The following NIN variants were observed in gnomAD, a reference collection of about 807,000 sequenced individuals.
NIN encodes glycogen synthase kinase 3 beta-interacting protein.
NIN carries 137 observed loss-of-function variants against 257.6 expected under a neutral mutation model. That is an observed-to-expected ratio of 0.53 (90% confidence interval 0.46 to 0.61). NIN has a LOEUF of 0.61. Ranked by LOEUF, NIN falls within the 20% of genes least tolerant of loss-of-function variation. The pLI is 0.00. For missense variants in NIN, 2,439 were observed against 2,501.2 expected (o/e 0.98, Z 0.53); for synonymous variants, 918 against 919.8 (o/e 1.00, Z 0.04).
chr14:50,771,508 C>T lies in NIN; in HGVS notation c.982-40G>A, dbSNP rs747128821. The T allele has an allele frequency of 1.9e-6, 3 of 1,607,718 alleles. No homozygotes were observed. The South Asian group carries it at 3.3e-5, about 18-fold the overall frequency. Reference sequence around the variant, plus strand: ...AAGGCGTAAATTCAAAAACAAATCACTCATTCCATCCTCTGAAAGCAGAAA... The same window carrying T: ...AAGGCGTAAATTCAAAAACAAATCATTCATTCCATCCTCTGAAAGCAGAAA... On this transcript the variant is annotated intron_variant, in intron 9 of 30. Transcript: ENST00000530997.
chr14:50,811,544 CTTTTTTTTT>C lies in NIN; in HGVS notation c.184-4735_184-4727del, dbSNP rs55734117. On this transcript the variant is annotated intron_variant, in intron 3 of 30. Transcript: ENST00000530997. ...AAATTTTAAATCCCCAATGGTCAAG[CTTTTTTTTT>C]TTTTTTTTTTTTTTTTGGTCTACCA... Among the ~76,000 whole-genome samples the C allele has an allele frequency of 1.2e-3, 93 of 75,286 alleles. 2 individuals carry two copies. Among genetic ancestry groups the C allele is most frequent in the Admixed American group, 6.1e-3 (34 of 5,544 alleles). 49.4% of individuals were successfully genotyped at this position (75,286 alleles called of 152,430 possible).
chr14:50,780,585 T>C (rs2043096929), intron 5 of NIN, among the ~76,000 whole-genome samples: 1 of 152,180 alleles, frequency 6.6e-6, no homozygotes, highest in Non-Finnish European at 1.5e-5. Context: ...CTAGTGGTAG[T>C]TCTCACCTCT....
At chr14:50,770,681 T>C in intron 11 of NIN, 119 bp from the exon 12 acceptor site, 3 of 1,364,110 alleles carry the variant, frequency 2.2e-6, no homozygotes, top group Admixed American at 2.1e-5. Flanking sequence ...AAATATCTAG[T>C]GTACCCTGCT....
chr14:50,727,212 C>T (rs2040451640), intron 29 of NIN: 1 of 924,852 alleles, frequency 1.1e-6, no homozygotes, highest in Non-Finnish European at 1.3e-6. Context: ...AGTGGAAAAA[C>T]AGGAAAAACA....
chr14:50,778,114 A>G (rs988708412), intron 6 of NIN, among the ~76,000 whole-genome samples: 2 of 152,230 alleles, frequency 1.3e-5, no homozygotes, highest in African/African-American at 4.8e-5. Context: ...ACGTGTTCTG[A>G]TGCTTCTTAA....
chr14:50,727,798 A>C, intron 29 of NIN: 1 of 1,407,712 alleles, frequency 7.1e-7, no homozygotes, highest in Non-Finnish European at 9.6e-7. Context: ...TGTCAGGATG[A>C]GTTTTTAGGG....
At chr14:50,748,448 CA>C (rs1345035779) in intron 21 of NIN, among the ~76,000 whole-genome samples, 2 of 152,158 alleles carry the variant, frequency 1.3e-5, no homozygotes, top group Non-Finnish European at 1.5e-5. Flanking sequence ...TCCTATTCAA[CA>C]TAGTGTTGGA....
At position 50,743,687 on chromosome 14, in the gene NIN, G is replaced by A. The variant is rs3742327; in HGVS notation, c.5188-158C>T. Among the ~76,000 whole-genome samples, 119,121 of 152,178 alleles carry A rather than the reference G, an allele frequency of 0.78. 47,176 individuals carry two copies. Among genetic ancestry groups the A allele is most frequent in the African/African-American group, 0.89 (37,099 of 41,544 alleles). On this transcript the variant is annotated intron_variant, in intron 23 of 30. Transcript: ENST00000530997. The stretch of plus-strand genomic sequence containing the variant: ...GAAATGGTCTTCCTGGCTCCAAATC[G>A]AGACAAACCAAAGACTGTTTTACAC...
In NIN at chr14:50,720,814, G is replaced by C; in HGVS notation, c.*2649C>G. The C allele has an allele frequency of 9.9e-6, 2 of 201,200 alleles. No individual in the cohort carries two copies. The highest frequency in any genetic ancestry group is 2.0e-5 in the Non-Finnish European group (2 of 97,726). 12.5% of individuals were successfully genotyped at this position (201,200 alleles called of 1,614,324 possible). A position where few individuals can be genotyped will look rare whatever the true frequency, so the allele number is the denominator to read the frequency against. On this transcript the variant is annotated 3_prime_UTR_variant, in exon 31 of 31. Coordinates refer to ENST00000530997, the MANE Select transcript of NIN (RefSeq NM_020921.4). ...CACATTTTCCTTTTCTTAGTGTAAC[G>C]TATTATCTCAAAGGCAAACTTGATT...
At chr14:50,730,971 C>T (rs1232551711) in intron 28 of NIN, 1 of 1,345,432 alleles carries the variant, frequency 7.4e-7, no homozygotes, top group African/African-American at 1.5e-5. Flanking sequence ...CTGCTACTTC[C>T]AACCACTGAG....
Position 50,758,022 on chromosome 14 carries a change from C to T in NIN, c.3008G>A (p.Arg1003Gln), listed in dbSNP as rs146902294. 85 of 1,614,094 alleles carry T rather than the reference C, an allele frequency of 5.3e-5. No individual in the cohort carries two copies. The highest frequency in any genetic ancestry group is 1.5e-4 in the South Asian group (14 of 91,088). The stretch of plus-strand genomic sequence containing the variant: ...TTCTGTGCTCATCTCGGCTCTTTCT[C>T]GATCTGCTGTCTCACAGGTCGCTTT... ...IHKATCETAD[R>Q]ERAEMSTEIS... The change falls in exon 18 of 31, where the codon CGA becomes CAA. Residue 1003 changes from arginine to glutamine, a missense_variant. Arg to Gln is a conservative substitution (Grantham distance 43, BLOSUM62 1). This residue lies in a region of NIN where 2,043 missense variants were observed against 2,050.2 expected (regional missense o/e 1.00). Coordinates refer to ENST00000530997, the MANE Select transcript of NIN (RefSeq NM_020921.4).
At chr14:50,785,316 G>A (rs1290613287) in intron 5 of NIN, among the ~76,000 whole-genome samples, 1 of 152,176 alleles carries the variant, frequency 6.6e-6, no homozygotes, top group African/African-American at 2.4e-5. Flanking sequence ...TAGCCCAGCC[G>A]CCACCCCCAC....
At chr14:50,814,858 A>T (rs953765524) in intron 3 of NIN, among the ~76,000 whole-genome samples, 1 of 152,174 alleles carries the variant, frequency 6.6e-6, no homozygotes, top group Admixed American at 6.5e-5. Context: ...TTGGAACTGG[A>T]CCCCTTCCTT....
chr14:50,814,921 C>A (rs1159490116), intron 3 of NIN, among the ~76,000 whole-genome samples: 1 of 152,064 alleles, frequency 6.6e-6, no homozygotes, highest in Non-Finnish European at 1.5e-5. Context: ...AATGTAAAAC[C>A]CAAAACTATA....
At position 50,738,299 on chromosome 14, in the gene NIN, A is replaced by G. The variant is rs765118521; in HGVS notation, c.5629-13T>C. The G allele has an allele frequency of 1.2e-6, 2 of 1,607,888 alleles. No individual in the cohort carries two copies. The highest frequency in any genetic ancestry group is 2.2e-5 in the South Asian group (2 of 89,524). On this transcript the variant is annotated splice_polypyrimidine_tract_variant and intron_variant, in intron 26 of 30. Coordinates refer to ENST00000530997, the MANE Select transcript of NIN (RefSeq NM_020921.4). ...CCAACTGACGGACCTAACAGGAACA[A>G]ATGTAAGAGGAAAAAATGCTAATAC...
At position 50,771,405 on chromosome 14, in the gene NIN, C is replaced by T; in HGVS notation, c.1045G>A (p.Glu349Lys). The T allele has an allele frequency of 6.2e-7, 1 of 1,614,198 alleles. No homozygotes were observed. The highest frequency in any genetic ancestry group is 2.2e-5 in the East Asian group (1 of 44,884). ...LTELTLALEN[E>K]LLVTKNSIHQ... is the part of the protein sequence containing the mutation. The stretch of plus-strand genomic sequence containing the variant: ...ATGCTGTTCTTGGTAACCAAAAGTT[C>T]ATTTTCAAGGGCCAGTGTTAATTCT... The change falls in exon 10 of 31, where the codon GAA (glutamate) becomes AAA (lysine). Residue 349 changes from glutamate to lysine, a missense_variant. Physicochemically the swap from Glu to Lys is moderately conservative, Grantham distance 56. This residue lies in a region of NIN where 387 missense variants were observed against 427.3 expected (regional missense o/e 0.91). Coordinates refer to ENST00000530997, the MANE Select transcript of NIN (RefSeq NM_020921.4).
In NIN at chr14:50,758,361, A is replaced by G. The variant is rs2042129538; in HGVS notation, c.2669T>C (p.Leu890Pro). The G allele has an allele frequency of 6.2e-7, 1 of 1,614,138 alleles. No individual in the cohort carries two copies. The highest frequency in any genetic ancestry group is 1.7e-5 in the Admixed American group (1 of 60,016). ...CTCCAGCATCTCTCTCTCCTGGGTCAGGACCAGAGAAGTTGTTTTCTCTCT... is the reference window on the plus strand; with the variant it reads ...CTCCAGCATCTCTCTCTCCTGGGTCGGGACCAGAGAAGTTGTTTTCTCTCT... ...LKREKTTSLV[L>P]TQEREMLEKT... The change falls in exon 18 of 31, where the codon CTG becomes CCG. Residue 890 changes from leucine to proline, a missense_variant. Transcript: ENST00000530997.
intron 12 of NIN, among the ~76,000 whole-genome samples, chr14:50,767,712 G>A (rs2042557196): frequency 1.3e-5 from 2 of 151,940 alleles, no homozygotes; most frequent in Non-Finnish European, 2.9e-5. Context: ...AGCTACTTGG[G>A]AGGCTGAGGC....
intron 3 of NIN, among the ~76,000 whole-genome samples, chr14:50,808,360 T>C (rs1182579554): frequency 2.6e-5 from 4 of 152,228 alleles, no homozygotes; most frequent in Non-Finnish European, 5.9e-5. Context: ...TCAAGAGCTC[T>C]GGCACTCAGG....
Sources: allele counts gnomAD v4.1 joint callset (sites outside exome capture counted in the v4.1 genomes callset), GRCh38; gene constraint gnomAD v4.1.1; regional missense constraint gnomAD v4.1.1; transcripts MANE v1.5; gene names NCBI Gene and HGNC (gene_info 2026-07-23, HGNC 2026-07-21).